C12orf54: variants seen among roughly 807,000 people sequenced by gnomAD.
C12orf54 encodes the protein uncharacterized protein C12orf54.
Under a neutral mutation model 26.4 loss-of-function variants are expected in C12orf54, and 24 were observed. That is an observed-to-expected ratio of 0.91 (90% CI 0.66 to 1.28). The LOEUF (loss-of-function observed/expected upper bound fraction) is 1.28, where lower values mean the gene tolerates loss of function less well. C12orf54 is among the 50% of genes most tolerant of loss of function. The pLI is 0.00. For synonymous variants in C12orf54, 54 were observed against 47.0 expected (o/e 1.15, Z -0.61); for missense variants, 154 against 150.9 (o/e 1.02, Z -0.11).
At chr12:48,420,089 T>C in the C12orf54 span, among the ~76,000 whole-genome samples, 1 of 152,146 alleles carries the variant, frequency 6.6e-6, no homozygotes, top group Admixed American at 6.6e-5. Flanking sequence ...TGGTTTTTTT[T>C]TTCACTACTT....
chr12:48,480,004 TTA>T (rs141751998), upstream of C12orf54, among the ~76,000 whole-genome samples: 2 of 151,566 alleles, frequency 1.3e-5, no homozygotes, highest in Admixed American at 6.6e-5. Context: ...TTTTCTTATT[TTA>T]TATATATATA....
At chr12:48,486,539 G>A (rs913528526) in intron 3 of C12orf54, 149 bp from the exon 4 acceptor site, 3 of 767,138 alleles carry the variant, frequency 3.9e-6, no homozygotes, top group African/African-American at 1.7e-5. Flanking sequence ...GGCTGCAGGA[G>A]ACTTTTGGCT....
At chr12:48,461,837 A>C in the C12orf54 span, among the ~76,000 whole-genome samples, 1 of 151,824 alleles carries the variant, frequency 6.6e-6, no homozygotes, top group Admixed American at 6.6e-5. Context: ...CTAGCAAATT[A>C]AGATCCAATA....
chr12:48,475,234 A>G, the C12orf54 span, among the ~76,000 whole-genome samples: 12 of 152,338 alleles, frequency 7.9e-5, no homozygotes, highest in Admixed American at 6.5e-4. Flanking sequence ...ATCCATACCA[A>G]AAACCCATCT....
chr12:48,424,207 G>T, the C12orf54 span, among the ~76,000 whole-genome samples: 1 of 152,028 alleles, frequency 6.6e-6, no homozygotes. Flanking sequence ...CCATCTTGTC[G>T]TGAAATGTTA....
At chr12:48,447,839 T>G in the C12orf54 span, among the ~76,000 whole-genome samples, 6 of 152,200 alleles carry the variant, frequency 3.9e-5, no homozygotes, top group African/African-American at 1.4e-4. Context: ...ACATGAGTTT[T>G]TAAAAGCAGA....
chr12:48,429,575 C>CG, the C12orf54 span, among the ~76,000 whole-genome samples: 6 of 142,562 alleles, frequency 4.2e-5, no homozygotes, highest in African/African-American at 1.5e-4. Context: ...ACAATAGCTG[C>CG]AAAAAAAAAA....
intron 8 of C12orf54, among the ~76,000 whole-genome samples, chr12:48,495,929 T>C (rs1327693085): frequency 6.6e-6 from 1 of 152,184 alleles, no homozygotes; most frequent in East Asian, 1.9e-4. Context: ...GAAGCTTCCT[T>C]CCTCTAGTAC....
At chr12:48,442,174 G>A in the C12orf54 span, 1 of 172,410 alleles carries the variant, frequency 5.8e-6, no homozygotes, top group Non-Finnish European at 1.3e-5. Context: ...AATTTGGCAT[G>A]AGATAGCGGA....
At chr12:48,471,692 A>C in the C12orf54 span, among the ~76,000 whole-genome samples, 4 of 152,090 alleles carry the variant, frequency 2.6e-5, no homozygotes, top group South Asian at 8.3e-4. Flanking sequence ...ATTCTGTTCC[A>C]TTTGTCTATG....
intron 6 of C12orf54, among the ~76,000 whole-genome samples, chr12:48,491,721 A>T (rs1937794223): frequency 6.6e-6 from 1 of 152,184 alleles, no homozygotes; most frequent in Admixed American, 6.5e-5. Flanking sequence ...TCGAGAAAAT[A>T]CTCAAAATAC....
the C12orf54 span, among the ~76,000 whole-genome samples, chr12:48,456,843 T>G: frequency 2.0e-5 from 3 of 152,106 alleles, no homozygotes; most frequent in Non-Finnish European, 4.4e-5. Flanking sequence ...AATGCACACA[T>G]CAATTGTAAG....
the C12orf54 span, among the ~76,000 whole-genome samples, chr12:48,436,323 C>T: frequency 6.6e-6 from 1 of 152,134 alleles, no homozygotes; most frequent in Non-Finnish European, 1.5e-5. Flanking sequence ...CACTTTAACA[C>T]CCCACTGTCA....
the C12orf54 span, among the ~76,000 whole-genome samples, chr12:48,454,965 C>T: frequency 2.0e-5 from 3 of 152,140 alleles, no homozygotes; most frequent in Non-Finnish European, 4.4e-5. Flanking sequence ...TTTTTCCTTC[C>T]AACTTTTAGG....
chr12:48,419,536 G>A, the C12orf54 span, among the ~76,000 whole-genome samples: 13 of 152,080 alleles, frequency 8.5e-5, no homozygotes, highest in South Asian at 2.1e-4. Flanking sequence ...AGAGCAGATC[G>A]GAATATGTTA....
At chr12:48,481,923 C>T (rs1299628002), upstream of C12orf54, among the ~76,000 whole-genome samples, 5 of 152,174 alleles carry the variant, frequency 3.3e-5, no homozygotes, top group Non-Finnish European at 7.3e-5. Flanking sequence ...GATTTCTAGA[C>T]ATATTGGGAT....
At chr12:48,471,721 T>C in the C12orf54 span, among the ~76,000 whole-genome samples, 1 of 152,214 alleles carries the variant, frequency 6.6e-6, no homozygotes, top group Non-Finnish European at 1.5e-5. Flanking sequence ...TTTGTGTCGA[T>C]ACCATGCTGT....
At chr12:48,481,200 G>GGT (rs143658766), upstream of C12orf54, among the ~76,000 whole-genome samples, 6 of 125,902 alleles carry the variant, frequency 4.8e-5, no homozygotes, top group East Asian at 4.2e-4. Context: ...TAAAAATAGA[G>GGT]TTTTTTTTTT....
chr12:48,413,422 A>C, the C12orf54 span, among the ~76,000 whole-genome samples: 1 of 152,172 alleles, frequency 6.6e-6, no homozygotes, highest in Non-Finnish European at 1.5e-5. Flanking sequence ...GTGTTCTAGG[A>C]AACTTGTCTG....
Sources: allele counts gnomAD v4.1 joint callset (sites outside exome capture counted in the v4.1 genomes callset), GRCh38; gene constraint gnomAD v4.1.1; transcripts MANE v1.5; gene names NCBI Gene and HGNC (gene_info 2026-07-23, HGNC 2026-07-21).